AGBL1: variants seen among roughly 807,000 people sequenced by gnomAD.
The protein encoded by AGBL1 is AGBL carboxypeptidase 1.
AGBL1 carries 130 observed loss-of-function variants against 118.9 expected under a neutral mutation model. That is an observed-to-expected ratio of 1.09 (90% confidence interval 0.95 to 1.26). The LOEUF (loss-of-function observed/expected upper bound fraction) is 1.26. Ranked by LOEUF, AGBL1 falls within the 50% of genes most tolerant of loss-of-function variation. The pLI, the probability that AGBL1 is intolerant of heterozygous loss-of-function variation, is 0.00. For synonymous variants in AGBL1, 555 were observed against 478.9 expected (o/e 1.16, Z -2.08); for missense variants, 1,584 against 1,298.1 (o/e 1.22, Z -3.38).
At chr15:86,819,904 A>G (rs2078915576) in intron 22 of AGBL1, among the ~76,000 whole-genome samples, 1 of 152,180 alleles carries the variant, frequency 6.6e-6, no homozygotes. Flanking sequence ...CTACAAGGCT[A>G]CGGTAACCAA....
chr15:86,430,043 G>A (rs148634178), intron 18 of AGBL1, among the ~76,000 whole-genome samples: 280 of 152,270 alleles, frequency 1.8e-3, no homozygotes, highest in African/African-American at 6.5e-3. Context: ...TTTGAATTTC[G>A]AAGACATTGC....
intron 24 of AGBL1, among the ~76,000 whole-genome samples, chr15:87,027,091 TACTC>T (rs1050946945): frequency 1.3e-5 from 2 of 151,938 alleles, no homozygotes; most frequent in Non-Finnish European, 2.9e-5. Context: ...CCAAAGAACT[TACTC>T]ATGTCACCAA....
At chr15:86,680,183 C>G (rs190216941) in intron 22 of AGBL1, among the ~76,000 whole-genome samples, 1 of 152,280 alleles carries the variant, frequency 6.6e-6, no homozygotes, top group East Asian at 1.9e-4. Flanking sequence ...ATATTCAGAT[C>G]ATTTTAAAAT....
chr15:86,863,976 G>T (rs1596564653), intron 22 of AGBL1, among the ~76,000 whole-genome samples: 1 of 152,140 alleles, frequency 6.6e-6, no homozygotes, highest in South Asian at 2.1e-4. Context: ...TTCAACAAAA[G>T]GTAATTGATA....
chr15:86,256,905 T>A lies in AGBL1; in HGVS notation c.788T>A (p.Ile263Asn), dbSNP rs2078904927. 1.2e-6 allele frequency: 2 copies of A among 1,613,922 alleles called. No homozygotes were observed. The highest frequency in any genetic ancestry group is 2.2e-5 in the South Asian group (2 of 91,064). The change falls in exon 8 of 23, where the codon ATC becomes AAC. Residue 263 changes from isoleucine to asparagine, a missense_variant. Coordinates refer to ENST00000614907, the MANE Select transcript of AGBL1 (RefSeq NM_001386094.1). ...MEPVISVVLQ[I>N]LRQCYPTSPL... ...CCCGTCATCTCTGTGGTGCTTCAGA[T>A]CCTGAGGCAGTGCTACCCTACGAGT...
intron 24 of AGBL1, among the ~76,000 whole-genome samples, chr15:87,004,888 T>C (rs10852082): frequency 2.0e-5 from 3 of 151,916 alleles, no homozygotes; most frequent in African/African-American, 7.3e-5. Flanking sequence ...GGCAGGAGTG[T>C]TGGTGACAAA....
chr15:86,753,397 C>CTTTTTTTTTTTTTT (rs1555446759), intron 22 of AGBL1, among the ~76,000 whole-genome samples: 21 of 111,280 alleles, frequency 1.9e-4, no homozygotes, highest in Non-Finnish European at 3.0e-4. Context: ...TTTTCTTTTT[C>CTTTTTTTTTTTTTT]TTTTTTTTTT....
intron 21 of AGBL1, among the ~76,000 whole-genome samples, chr15:86,577,643 T>A (rs567352167): frequency 6.6e-6 from 1 of 152,064 alleles, no homozygotes; most frequent in Admixed American, 6.5e-5. Context: ...GAAAAAGTGG[T>A]TTAATGGACC....
At chr15:86,175,573 C>T (rs571892123) in intron 5 of AGBL1, among the ~76,000 whole-genome samples, 18 of 152,000 alleles carry the variant, frequency 1.2e-4, no homozygotes, top group African/African-American at 4.1e-4. Context: ...TTTTCTAGTT[C>T]CTTGAGGTGC....
At chr15:86,795,627 C>T (rs1596488144) in intron 22 of AGBL1, among the ~76,000 whole-genome samples, 1 of 150,792 alleles carries the variant, frequency 6.6e-6, no homozygotes, top group East Asian at 2.0e-4. Context: ...TCTTGTCACC[C>T]AGGCTGGAGT....
intron 21 of AGBL1, among the ~76,000 whole-genome samples, chr15:86,665,784 G>C (rs1567111087): frequency 6.6e-6 from 1 of 150,794 alleles, no homozygotes; most frequent in Non-Finnish European, 1.5e-5. Flanking sequence ...TTTATATTTG[G>C]GGTAAGATTT....
intron 21 of AGBL1, among the ~76,000 whole-genome samples, chr15:86,561,440 G>A (rs983625376): frequency 2.0e-5 from 3 of 152,198 alleles, no homozygotes; most frequent in African/African-American, 7.2e-5. Context: ...CTTTTGTTGG[G>A]TTTGTCAAAG....
intron 5 of AGBL1, among the ~76,000 whole-genome samples, chr15:86,222,994 C>T (rs184396290): frequency 8.5e-5 from 13 of 152,196 alleles, no homozygotes; most frequent in East Asian, 3.9e-4. Flanking sequence ...TGAGATTCTG[C>T]GTTTCTATCT....
chr15:86,756,962 C>G (rs1342529850), intron 22 of AGBL1, among the ~76,000 whole-genome samples: 1 of 150,212 alleles, frequency 6.7e-6, no homozygotes, highest in African/African-American at 2.4e-5. Context: ...TTTTTTCTCC[C>G]CATCCTCTAC....
rs540380383 is a variant in AGBL1 at position 86,542,747 on chromosome 15, C to T, written c.2686-3255C>T. 4.6e-5 allele frequency among the ~76,000 whole-genome samples: 7 copies of T among 152,252 alleles called. No individual in the cohort carries two copies. The East Asian group carries it at 1.4e-3, about 29-fold the overall frequency. On this transcript the variant is annotated intron_variant, in intron 19 of 22. Transcript: ENST00000614907. The stretch of plus-strand genomic sequence containing the variant: ...AGTGGTAGCACTTAACCACCAAAGA[C>T]AGGAGGGATACATCAACCATCGTAT...
intron 24 of AGBL1, among the ~76,000 whole-genome samples, chr15:86,998,652 A>G (rs902422706): frequency 2.0e-5 from 3 of 152,210 alleles, no homozygotes; most frequent in Non-Finnish European, 4.4e-5. Flanking sequence ...TGTGGAATGC[A>G]TGCTCAGTAC....
intron 22 of AGBL1, among the ~76,000 whole-genome samples, chr15:86,775,463 T>G (rs2078241217): frequency 6.6e-6 from 1 of 152,150 alleles, no homozygotes; most frequent in Non-Finnish European, 1.5e-5. Context: ...AATCTATTGG[T>G]GCATCTTAGA....
intron 21 of AGBL1, among the ~76,000 whole-genome samples, chr15:86,601,581 G>T (rs1020062566): frequency 6.6e-6 from 1 of 152,100 alleles, no homozygotes; most frequent in Non-Finnish European, 1.5e-5. Context: ...TACGAGTAAG[G>T]TTCTTTCTGT....
At chr15:86,968,327 A>G (rs915248359) in intron 23 of AGBL1, among the ~76,000 whole-genome samples, 1 of 151,912 alleles carries the variant, frequency 6.6e-6, no homozygotes, top group Non-Finnish European at 1.5e-5. Flanking sequence ...TCTCTATCTC[A>G]TAGAGCTAAG....
Sources: allele counts gnomAD v4.1 joint callset (sites outside exome capture counted in the v4.1 genomes callset), GRCh38; gene constraint gnomAD v4.1.1; transcripts MANE v1.5; gene names NCBI Gene and HGNC (gene_info 2026-07-23, HGNC 2026-07-21).